The following LRP1B variants were observed in gnomAD, a reference collection of about 807,000 sequenced individuals.
LRP1B encodes LDL receptor related protein 1B.
Under a neutral mutation model 556.6 loss-of-function variants are expected in LRP1B, and 217 were observed. That is an observed-to-expected ratio of 0.39 (90% CI 0.35 to 0.44). The LOEUF is 0.44. Ranked by LOEUF, LRP1B falls within the 20% of genes least tolerant of loss-of-function variation. LRP1B has a pLI of 1.00. For missense variants in LRP1B, 5,053 were observed against 5,620.8 expected, an observed-to-expected ratio of 0.90 and a Z score of 3.23; for synonymous variants, 2,047 against 1,865.8, an observed-to-expected ratio of 1.10 and a Z score of -2.50.
At chr2:140,793,030 T>C (rs542771027) in intron 32 of LRP1B, among the ~76,000 whole-genome samples, 1 of 152,022 alleles carries the variant, frequency 6.6e-6, no homozygotes, top group Non-Finnish European at 1.5e-5. Context: ...AACATTAAAA[T>C]GATATTGTAG....
At chr2:140,522,664 G>A (rs1601481) in intron 49 of LRP1B, among the ~76,000 whole-genome samples, 4 of 147,380 alleles carry the variant, frequency 2.7e-5, no homozygotes, top group African/African-American at 9.8e-5. Context: ...TTGATGGACC[G>A]CTTGCTAGAT....
chr2:141,657,672 T>C (rs968051836), intron 2 of LRP1B, among the ~76,000 whole-genome samples: 1 of 152,162 alleles, frequency 6.6e-6, no homozygotes, highest in African/African-American at 2.4e-5. Flanking sequence ...TGGATATCCT[T>C]GCAGGCTGTC....
intron 1 of LRP1B, among the ~76,000 whole-genome samples, chr2:141,962,633 A>G (rs568902761): frequency 1.3e-5 from 2 of 151,920 alleles, no homozygotes; most frequent in African/African-American, 4.8e-5. Flanking sequence ...GAAAAGCCCA[A>G]TACATTTGTA....
At chr2:140,314,761 T>G (rs1408925721) in intron 83 of LRP1B, among the ~76,000 whole-genome samples, 174 bp downstream of exon 83, 2 of 151,378 alleles carry the variant, frequency 1.3e-5, no homozygotes, top group African/African-American at 4.9e-5. Context: ...TGGCTTGAAC[T>G]TTTATATACT....
At chr2:141,608,605 C>G (rs1170526442) in intron 2 of LRP1B, among the ~76,000 whole-genome samples, 1 of 152,110 alleles carries the variant, frequency 6.6e-6, no homozygotes, top group Admixed American at 6.6e-5. Context: ...AAATAGATGA[C>G]TTACTTTTTT....
At chr2:140,293,478 C>T (rs1185078376) in intron 84 of LRP1B, among the ~76,000 whole-genome samples, 1 of 152,106 alleles carries the variant, frequency 6.6e-6, no homozygotes, top group Non-Finnish European at 1.5e-5. Context: ...CATTTCAGAC[C>T]TCAGGACTTT....
intron 1 of LRP1B, among the ~76,000 whole-genome samples, chr2:142,086,886 A>T (rs1330204358): frequency 1.3e-5 from 2 of 152,118 alleles, no homozygotes; most frequent in Non-Finnish European, 2.9e-5. Flanking sequence ...CACGAAAGCA[A>T]TATTCCTTAA....
intron 15 of LRP1B, among the ~76,000 whole-genome samples, chr2:141,002,175 T>A (rs2105369819): frequency 6.6e-6 from 1 of 152,154 alleles, no homozygotes; most frequent in South Asian, 2.1e-4. Flanking sequence ...CTCTGAGAAC[T>A]ATCTTCCACA....
At chr2:140,828,296 A>T (rs1337047799) in intron 31 of LRP1B, among the ~76,000 whole-genome samples, 1 of 152,206 alleles carries the variant, frequency 6.6e-6, no homozygotes, top group Non-Finnish European at 1.5e-5. Context: ...ATGTAAATAG[A>T]TTAAATTCTC....
At position 140,994,131 on chromosome 2, in the gene LRP1B, A is replaced by G; in HGVS notation, c.2508T>C (p.Asn836=). Residue 836 remains asparagine (N), a synonymous_variant, in exon 16 of 91, where the codon AAT becomes AAC. Coordinates refer to ENST00000389484, the MANE Select transcript of LRP1B (RefSeq NM_018557.3). ...LDENGTTCTF[N]PGEALPHICK... is the part of the protein sequence containing the mutation. The stretch of plus-strand genomic sequence containing the variant: ...ATATGTGAGGTAGTGCTTCTCCAGG[A>G]TTAACTAGAGTTAAAAAAACCCAAG... 6.2e-7 allele frequency: 1 copy of G among 1,612,076 alleles called. No individual in the cohort carries two copies.
chr2:141,804,433 T>A (rs1313128725), intron 2 of LRP1B, among the ~76,000 whole-genome samples: 1 of 152,078 alleles, frequency 6.6e-6, no homozygotes. Context: ...TTGGAAGAGT[T>A]CCTAGAAAAA....
chr2:140,595,142 A>C (rs1574121299), intron 43 of LRP1B, among the ~76,000 whole-genome samples: 1 of 134,778 alleles, frequency 7.4e-6, no homozygotes, highest in African/African-American at 2.7e-5. Flanking sequence ...ATATATTAGT[A>C]TGGTTGCCCA....
At chr2:141,236,959 A>G (rs1346625926) in intron 5 of LRP1B, among the ~76,000 whole-genome samples, 1 of 152,168 alleles carries the variant, frequency 6.6e-6, no homozygotes, top group Non-Finnish European at 1.5e-5. Flanking sequence ...ATTTGTTTTT[A>G]TGAAGAAAGT....
At chr2:140,727,738 T>C (rs1027523145) in intron 35 of LRP1B, among the ~76,000 whole-genome samples, 4 of 152,302 alleles carry the variant, frequency 2.6e-5, no homozygotes, top group Admixed American at 2.6e-4. Flanking sequence ...AGTGCCTCAG[T>C]ACAAATAGGA....
chr2:140,776,848 G>A (rs1308324481), intron 32 of LRP1B, among the ~76,000 whole-genome samples: 2 of 148,412 alleles, frequency 1.3e-5, no homozygotes, highest in Non-Finnish European at 3.0e-5. Flanking sequence ...TGATATCAGA[G>A]AATCTACAGT....
At chr2:141,103,583 A>G (rs753799459) in intron 7 of LRP1B, among the ~76,000 whole-genome samples, 1 of 147,524 alleles carries the variant, frequency 6.8e-6, no homozygotes, top group Non-Finnish European at 1.5e-5. Flanking sequence ...ATTTTTCCAT[A>G]AAGAAATGTG....
At chr2:141,066,476 T>C (rs1699485131) in intron 7 of LRP1B, among the ~76,000 whole-genome samples, 3 of 152,018 alleles carry the variant, frequency 2.0e-5, no homozygotes, top group Admixed American at 2.0e-4. Flanking sequence ...ATCATTTCTA[T>C]ACTTTAAAGG....
chr2:140,762,020 T>G (rs2104917582), intron 35 of LRP1B, among the ~76,000 whole-genome samples: 1 of 152,114 alleles, frequency 6.6e-6, no homozygotes, highest in East Asian at 1.9e-4. Context: ...TCCCTAACTA[T>G]CTGAGTCTCA....
chr2:141,257,745 G>T (rs947123499), intron 3 of LRP1B, among the ~76,000 whole-genome samples: 1 of 152,122 alleles, frequency 6.6e-6, no homozygotes, highest in Non-Finnish European at 1.5e-5. Flanking sequence ...TAGGTGAAAT[G>T]GTAAATATTG....
Sources: allele counts gnomAD v4.1 joint callset (sites outside exome capture counted in the v4.1 genomes callset), GRCh38; gene constraint gnomAD v4.1.1; transcripts MANE v1.5; gene names NCBI Gene and HGNC (gene_info 2026-07-23, HGNC 2026-07-21).